The following SMIM17 variants were observed in gnomAD, a reference collection of about 807,000 sequenced individuals.
SMIM17 encodes the protein small integral membrane protein 17.
Under a neutral mutation model 12.2 loss-of-function variants are expected in SMIM17, and 10 were observed. That is an observed-to-expected ratio of 0.82 (90% CI 0.50 to 1.39). The LOEUF is 1.39. SMIM17 is among the 40% of genes most tolerant of loss of function. The pLI is 0.00. For missense variants in SMIM17, 136 were observed against 118.2 expected, an observed-to-expected ratio of 1.15 and a Z score of -0.70; for synonymous variants, 50 against 44.1, an observed-to-expected ratio of 1.13 and a Z score of -0.53.
chr19:56,651,030 A>T (rs2045105272), intron 3 of SMIM17, among the ~76,000 whole-genome samples: 1 of 151,896 alleles, frequency 6.6e-6, no homozygotes, highest in African/African-American at 2.4e-5. Context: ...GCATGGACAG[A>T]CCCTCCTTCC....
At chr19:56,649,637 G>C (rs569397263) in intron 3 of SMIM17, among the ~76,000 whole-genome samples, 6 of 152,254 alleles carry the variant, frequency 3.9e-5, no homozygotes, top group Admixed American at 2.6e-4. Flanking sequence ...CAGATGTCTA[G>C]GGAGAGCGGG....
intron 3 of SMIM17, among the ~76,000 whole-genome samples, chr19:56,653,070 G>T (rs997637289): frequency 5.9e-5 from 9 of 152,094 alleles, no homozygotes; most frequent in Non-Finnish European, 1.3e-4. Context: ...CCAATAAAAT[G>T]CACTAACCAG....
chr19:56,643,300 G>A (rs1225990678), intron 1 of SMIM17, 90 bp downstream of exon 1: 1 of 153,726 alleles, frequency 6.5e-6, no homozygotes, highest in Non-Finnish European at 1.5e-5. Flanking sequence ...GCGCGCGCGA[G>A]TATGGATGCG....
rs1466576940 is a variant in SMIM17 at position 56,656,768 on chromosome 19, G to A, written c.*1555G>A. Among the ~76,000 whole-genome samples, 1 of 152,084 alleles carries A rather than the reference G, an allele frequency of 6.6e-6. No individual in the cohort carries two copies. Among genetic ancestry groups the A allele is most frequent in the Non-Finnish European group, 1.5e-5 (1 of 67,994 alleles). ...AACTCAGTGATTTGGTTTATTTTTT[G>A]TTTAAAAATAGTTTTGTTTTCTTGT... On this transcript the variant is annotated 3_prime_UTR_variant, in exon 4 of 4. Coordinates refer to ENST00000598409, the MANE Select transcript of SMIM17 (RefSeq NM_001193628.2).
chr19:56,651,732 G>T (rs1006511875), intron 3 of SMIM17, among the ~76,000 whole-genome samples: 1 of 152,070 alleles, frequency 6.6e-6, no homozygotes, highest in African/African-American at 2.4e-5. Flanking sequence ...TACATGGTGT[G>T]TTCACCTTCT....
chr19:56,643,716 C>T (rs941136423), intron 1 of SMIM17, among the ~76,000 whole-genome samples: 1 of 152,178 alleles, frequency 6.6e-6, no homozygotes, highest in Non-Finnish European at 1.5e-5. Context: ...GCAGCAGCCC[C>T]GCCCCCACTC....
At chr19:56,647,676 C>G in intron 3 of SMIM17, 42 bp downstream of exon 3, 1 of 1,474,032 alleles carries the variant, frequency 6.8e-7, no homozygotes. Context: ...ATGTCCCACT[C>G]TGTAGATCTC....
At chr19:56,643,397 G>A (rs1439348830) in intron 1 of SMIM17, among the ~76,000 whole-genome samples, 187 bp downstream of exon 1, 1 of 152,214 alleles carries the variant, frequency 6.6e-6, no homozygotes, top group African/African-American at 2.4e-5. Context: ...AAGCCCGTCC[G>A]GTGGGAGAGG....
intron 2 of SMIM17, 146 bp downstream of exon 2, chr19:56,645,982 C>A (rs1256788040): frequency 1.1e-6 from 1 of 905,340 alleles, no homozygotes; most frequent in Non-Finnish European, 1.6e-6. Context: ...TGCTGTGTAA[C>A]AAGTCATCCC....
At position 56,656,150 on chromosome 19, in the gene SMIM17, T is replaced by C. The variant is rs1474113118; in HGVS notation, c.*937T>C. Among the ~76,000 whole-genome samples, 2 of 151,970 alleles carry C rather than the reference T, an allele frequency of 1.3e-5. No homozygotes were observed. The highest frequency in any genetic ancestry group is 4.8e-5 in the African/African-American group (2 of 41,404). ...TAGTAGAGACGGGGTTTCACCGTGTTAGCCAGGATGGTCTCGATCTCCTGA... is the reference window on the plus strand; with the variant it reads ...TAGTAGAGACGGGGTTTCACCGTGTCAGCCAGGATGGTCTCGATCTCCTGA... On this transcript the variant is annotated 3_prime_UTR_variant, in exon 4 of 4. Transcript: ENST00000598409.
intron 2 of SMIM17, among the ~76,000 whole-genome samples, chr19:56,646,178 G>A (rs1477591829): frequency 6.6e-6 from 1 of 152,112 alleles, no homozygotes; most frequent in Non-Finnish European, 1.5e-5. Flanking sequence ...GCTGTTGGCT[G>A]GCTTGGTGGT....
intron 3 of SMIM17, among the ~76,000 whole-genome samples, chr19:56,651,021 C>T (rs1382828258): frequency 6.6e-6 from 1 of 152,170 alleles, no homozygotes; most frequent in Non-Finnish European, 1.5e-5. Flanking sequence ...CAGTTTTCTG[C>T]ATGGACAGAC....
intron 3 of SMIM17, 38 bp downstream of exon 3, chr19:56,647,672 C>T: frequency 6.7e-7 from 1 of 1,490,836 alleles, no homozygotes; most frequent in Non-Finnish European, 9.0e-7. Flanking sequence ...ACAAATGTCC[C>T]ACTCTGTAGA....
chr19:56,645,717 G>C lies in SMIM17; in HGVS notation c.50G>C (p.Arg17Thr), dbSNP rs978920591. 5 of 1,535,716 alleles carry C rather than the reference G, an allele frequency of 3.3e-6. No homozygotes were observed. In the South Asian group the frequency reaches 4.8e-5, roughly 15 times the overall value. ...ACACGGGGGCTGCTGGAGCCTGAGA[G>C]GACCAAGACTCTGCTGCCTCGGGAG... ...EQTRGLLEPE[R>T]TKTLLPRESR... The change falls in exon 2 of 4, where the codon AGG becomes ACG. Residue 17 changes from arginine (R) to threonine (T), a missense_variant. Transcript: ENST00000598409.
chr19:56,644,924 A>G (rs1308946084), intron 1 of SMIM17, among the ~76,000 whole-genome samples: 1 of 152,176 alleles, frequency 6.6e-6, no homozygotes, highest in African/African-American at 2.4e-5. Context: ...ACACCTGGCT[A>G]ATTTTTAAAC....
intron 2 of SMIM17, 58 bp downstream of exon 2, chr19:56,645,894 C>G (rs932650332): frequency 6.8e-7 from 1 of 1,460,500 alleles, no homozygotes; most frequent in Middle Eastern, 1.8e-4. Context: ...ATTGGCAGAG[C>G]CTAGGGAAAG....
chr19:56,648,899 G>C (rs1308817411), intron 3 of SMIM17, among the ~76,000 whole-genome samples: 1 of 152,144 alleles, frequency 6.6e-6, no homozygotes, highest in Non-Finnish European at 1.5e-5. Context: ...ATCACTCTCA[G>C]TGAGCACATG....
At position 56,653,983 on chromosome 19, in the gene SMIM17, A is replaced by T. The variant is rs555093301; in HGVS notation, c.247-1120A>T. On this transcript the variant is annotated intron_variant, in intron 3 of 3. Coordinates refer to ENST00000598409, the MANE Select transcript of SMIM17 (RefSeq NM_001193628.2). ...CAAACTTCCTTGATATTTTAATAGC[A>T]ATTGCACTAAATTCATCATTAATTT... Among the ~76,000 whole-genome samples, 24 of 152,320 alleles carry T rather than the reference A, an allele frequency of 1.6e-4. No individual in the cohort carries two copies. In the South Asian group the frequency reaches 5.0e-3, roughly 32 times the overall value.
At chr19:56,646,153 T>A (rs954156437) in intron 2 of SMIM17, among the ~76,000 whole-genome samples, 1 of 152,132 alleles carries the variant, frequency 6.6e-6, no homozygotes, top group Non-Finnish European at 1.5e-5. Flanking sequence ...TTTACCCCCA[T>A]GTCTGCTGGT....
Sources: gnomAD v4.1 joint callset for allele counts (sites outside exome capture counted in the v4.1 genomes callset) on GRCh38, gnomAD v4.1.1 for gene constraint, MANE v1.5 for transcripts, NCBI Gene and HGNC (gene_info 2026-07-23, HGNC 2026-07-21) for gene names.